EFCAB6: variants seen among roughly 807,000 people sequenced by gnomAD.
EFCAB6 encodes the protein EF-hand calcium-binding domain-containing protein 6.
EFCAB6 carries 156 observed loss-of-function variants against 169.8 expected under a neutral mutation model. That is an observed-to-expected ratio of 0.92 (90% CI 0.81 to 1.05). EFCAB6 has a LOEUF of 1.05. Among genes scored for constraint, EFCAB6 ranks in the 50% least tolerant of loss-of-function variants. The pLI is 0.00. For missense variants in EFCAB6, 1,800 were observed against 1,829.1 expected, an observed-to-expected ratio of 0.98 and a Z score of 0.29; for synonymous variants, 698 against 676.4, an observed-to-expected ratio of 1.03 and a Z score of -0.50.
chr22:43,760,966 C>T (rs1311846228), intron 5 of EFCAB6, among the ~76,000 whole-genome samples: 1 of 152,230 alleles, frequency 6.6e-6, no homozygotes, highest in East Asian at 1.9e-4. Flanking sequence ...GGTACTAATT[C>T]ATGCTGTAAC....
rs1320669519 is a variant in EFCAB6, at chr22:43,534,777, A to G, written c.4144T>C (p.Cys1382Arg). ...DLKSNGKFAY[C>R]DFIQSCVLLL... ...AGGACACAGCTCTGAATGAAGTCAC[A>G]GTATGCAAATTTCCCGTTGCTCTTT... Residue 1382 changes from cysteine (C) to arginine (R), a missense_variant, in exon 30 of 32, where the codon TGT (cysteine) becomes CGT (arginine). Coordinates refer to ENST00000262726, the MANE Select transcript of EFCAB6 (RefSeq NM_022785.4). 2.5e-6 allele frequency: 4 copies of G among 1,614,074 alleles called. No individual in the cohort carries two copies. Among genetic ancestry groups the G allele is most frequent in the Non-Finnish European group, 1.7e-6 (2 of 1,180,002 alleles).
chr22:43,679,508 G>C (rs1436556566), intron 12 of EFCAB6, among the ~76,000 whole-genome samples: 3 of 152,172 alleles, frequency 2.0e-5, no homozygotes, highest in African/African-American at 7.2e-5. Flanking sequence ...ACTTAGGAGT[G>C]GAATTGCTGG....
chr22:43,743,965 T>G (rs1603307777), intron 6 of EFCAB6, among the ~76,000 whole-genome samples: 1 of 147,460 alleles, frequency 6.8e-6, no homozygotes. Flanking sequence ...AACGGATGGG[T>G]GGGTGGATGA....
intron 17 of EFCAB6, among the ~76,000 whole-genome samples, chr22:43,639,636 C>G (rs1476189925): frequency 6.6e-6 from 1 of 152,104 alleles, no homozygotes; most frequent in African/African-American, 2.4e-5. Flanking sequence ...TTTGTAATAT[C>G]CTACTTGGGG....
intron 2 of EFCAB6, among the ~76,000 whole-genome samples, chr22:43,784,543 G>GTA (rs767229476): frequency 1.3e-5 from 1 of 75,486 alleles, no homozygotes; most frequent in African/African-American, 4.8e-5. Context: ...GTGTGTGTGT[G>GTA]TATATGTATA....
chr22:43,654,951 C>T (rs2056660114), intron 17 of EFCAB6, among the ~76,000 whole-genome samples: 2 of 148,294 alleles, frequency 1.3e-5, no homozygotes, highest in South Asian at 4.2e-4. Context: ...AATAATAATG[C>T]CTGTGAGATT....
At chr22:43,661,385 T>C (rs188761071) in intron 17 of EFCAB6, among the ~76,000 whole-genome samples, 8 of 152,040 alleles carry the variant, frequency 5.3e-5, no homozygotes, top group Non-Finnish European at 4.4e-5. Context: ...TCTAAATAAA[T>C]AAATAAATAA....
chr22:43,570,893 C>G (rs1399594102), intron 26 of EFCAB6, among the ~76,000 whole-genome samples: 2 of 152,232 alleles, frequency 1.3e-5, no homozygotes, highest in African/African-American at 4.8e-5. Context: ...CACAGCAAGA[C>G]CCCTGGACTC....
intron 17 of EFCAB6, among the ~76,000 whole-genome samples, chr22:43,647,739 T>C (rs2056252167): frequency 2.6e-5 from 4 of 152,094 alleles, no homozygotes; most frequent in Non-Finnish European, 5.9e-5. Context: ...GAGAACATGA[T>C]GTGAAGACAT....
At chr22:43,734,281 G>C (rs1178099040) in intron 7 of EFCAB6, among the ~76,000 whole-genome samples, 1 of 152,188 alleles carries the variant, frequency 6.6e-6, no homozygotes, top group African/African-American at 2.4e-5. Flanking sequence ...ATATTCTTGA[G>C]CTTCAATAAG....
chr22:43,729,594 C>T (rs1603290873), intron 8 of EFCAB6, among the ~76,000 whole-genome samples: 1 of 152,134 alleles, frequency 6.6e-6, no homozygotes, highest in Admixed American at 6.5e-5. Context: ...AGGAGAGGAA[C>T]ATAATGAACA....
chr22:43,733,410 G>T (rs1277768077), intron 7 of EFCAB6, among the ~76,000 whole-genome samples: 1 of 152,202 alleles, frequency 6.6e-6, no homozygotes, highest in Non-Finnish European at 1.5e-5. Context: ...TGGCCTCCAG[G>T]GCAGTGGAGA....
chr22:43,722,202 A>G (rs1253096225), intron 8 of EFCAB6, among the ~76,000 whole-genome samples: 1 of 152,136 alleles, frequency 6.6e-6, no homozygotes, highest in East Asian at 1.9e-4. Context: ...AGGAGATACC[A>G]TCTTACACCA....
At chr22:43,576,867 T>C (rs1056614559) in intron 25 of EFCAB6, among the ~76,000 whole-genome samples, 5 of 152,200 alleles carry the variant, frequency 3.3e-5, no homozygotes, top group African/African-American at 1.2e-4. Flanking sequence ...CTCTTGACCC[T>C]TACATTCTAC....
chr22:43,666,323 A>C (rs918786209), intron 17 of EFCAB6, among the ~76,000 whole-genome samples: 1 of 152,136 alleles, frequency 6.6e-6, no homozygotes, highest in African/African-American at 2.4e-5. Flanking sequence ...CTCCTCCATG[A>C]TGCTGCATTC....
chr22:43,752,606 C>T (rs914177669), intron 6 of EFCAB6, among the ~76,000 whole-genome samples: 1 of 152,090 alleles, frequency 6.6e-6, no homozygotes, highest in African/African-American at 2.4e-5. Flanking sequence ...GGCATAATTC[C>T]AGGCTGTGGG....
In EFCAB6 at chr22:43,644,127, G is replaced by A. The variant is rs2055993475; in HGVS notation, c.1984-8911C>T. ...GCGTGGCTGCGTGCGGGTTGACTGGGCTTGGCTCCCAAATGCAGGTTGGAT... is the reference window on the plus strand; with the variant it reads ...GCGTGGCTGCGTGCGGGTTGACTGGACTTGGCTCCCAAATGCAGGTTGGAT... On this transcript the variant is annotated intron_variant, in intron 17 of 31. Transcript: ENST00000262726. Among the ~76,000 whole-genome samples, 2 of 152,082 alleles carry A rather than the reference G, an allele frequency of 1.3e-5. 1 individual carries two copies. The highest frequency in any genetic ancestry group is 1.3e-4 in the Admixed American group (2 of 15,266).
chr22:43,630,267 T>C (rs2054839887), intron 19 of EFCAB6, among the ~76,000 whole-genome samples: 2 of 152,232 alleles, frequency 1.3e-5, no homozygotes, highest in Non-Finnish European at 2.9e-5. Flanking sequence ...GCATCCAGTC[T>C]GTCTCACATA....
intron 24 of EFCAB6, 107 bp downstream of exon 24, chr22:43,589,967 T>C: frequency 2.1e-6 from 3 of 1,431,150 alleles, no homozygotes; most frequent in Non-Finnish European, 2.8e-6. Flanking sequence ...TGGAGGGTAT[T>C]TTCATCTCAG....
Sources: allele counts gnomAD v4.1 joint callset (sites outside exome capture counted in the v4.1 genomes callset), GRCh38; gene constraint gnomAD v4.1.1; transcripts MANE v1.5; gene names NCBI Gene and HGNC (gene_info 2026-07-23, HGNC 2026-07-21).